The following HS6ST1 variants were observed in gnomAD, a reference collection of about 807,000 sequenced individuals.
HS6ST1 encodes heparan sulfate 6-O-sulfotransferase 1, also known as heparan-sulfate 6-O-sulfotransferase 1.
A neutral mutation model predicts 25.2 loss-of-function variants in HS6ST1; 3 were observed. The observed-to-expected ratio is 0.12, with a 90% confidence interval of 0.05 to 0.31. The LOEUF (loss-of-function observed/expected upper bound fraction) is 0.31, where lower values mean the gene tolerates loss of function less well. Among genes scored for constraint, HS6ST1 ranks in the 10% least tolerant of loss-of-function variants. The pLI, the probability that HS6ST1 is intolerant of heterozygous loss-of-function variation, is 1.00. For synonymous variants in HS6ST1, 204 were observed against 275.1 expected (o/e 0.74, Z 2.56); for missense variants, 310 against 609.6 (o/e 0.51, Z 5.18).
Position 128,275,618 on chromosome 2 carries a change from C to G in HS6ST1, c.528-6748G>C, listed in dbSNP as rs557939041. Among the ~76,000 whole-genome samples, 15 of 152,264 alleles carry G rather than the reference C, an allele frequency of 9.9e-5. 2 individuals are homozygous for G. Among genetic ancestry groups the G allele is most frequent in the African/African-American group, 3.4e-4 (14 of 41,548 alleles). ...GACCAACAAAGTGTATGGAAAGAGG[C>G]TCCACTGCATCAGTTACCAAGGCAG... On this transcript the variant is annotated intron_variant, in intron 1 of 1. Coordinates refer to ENST00000259241, the MANE Select transcript of HS6ST1 (RefSeq NM_004807.3).
Position 128,268,124 on chromosome 2 carries a change from A to G in HS6ST1, c.*38T>C. On this transcript the variant is annotated 3_prime_UTR_variant, in exon 2 of 2. Coordinates refer to ENST00000259241, the MANE Select transcript of HS6ST1 (RefSeq NM_004807.3). ...TGTCGTCTGTCCTGTTTTATCCCCC[A>G]CACCCCCCAAGAGGCCTCCCCGTGG... 6.8e-7 allele frequency: 1 copy of G among 1,470,358 alleles called. No homozygotes were observed. The highest frequency in any genetic ancestry group is 9.3e-7 in the Non-Finnish European group (1 of 1,074,226). The allele number at this position is 1,470,358 out of a possible 1,614,324, so 91.1% of individuals were successfully genotyped here.
intron 1 of HS6ST1, among the ~76,000 whole-genome samples, chr2:128,302,800 G>A (rs1380978320): frequency 2.0e-5 from 3 of 152,112 alleles, no homozygotes; most frequent in African/African-American, 4.8e-5. Flanking sequence ...GGCCTCTTCC[G>A]CAACGGCCCC....
At chr2:128,303,457 C>T (rs957985054) in intron 1 of HS6ST1, among the ~76,000 whole-genome samples, 2 of 152,230 alleles carry the variant, frequency 1.3e-5, no homozygotes, top group Admixed American at 6.5e-5. Context: ...AGAACAAAAC[C>T]GAAGAGAAGT....
Position 128,268,276 on chromosome 2 carries a change from G to A in HS6ST1, c.1122C>T (p.Ser374=), listed in dbSNP as rs1241126541. Residue 374 remains serine (S), a synonymous_variant, in exon 2 of 2, where the codon AGC becomes AGT. Transcript: ENST00000259241. The part of the protein sequence containing the change: ...QLERREQRLR[S]REERLLHRAK... ...CCCGGTGCAGCAGACGCTCCTCGCG[G>A]CTCCTCAGGCGCTGCTCCCTGCGCT... 6.2e-7 allele frequency: 1 copy of A among 1,612,502 alleles called. No individual in the cohort carries two copies. The highest frequency in any genetic ancestry group is 2.2e-5 in the East Asian group (1 of 44,876).
Position 128,268,858 on chromosome 2 carries a change from G to A in HS6ST1, c.540C>T (p.Tyr180=). 1 of 1,608,850 alleles carries A rather than the reference G, an allele frequency of 6.2e-7. No individual in the cohort carries two copies. Among genetic ancestry groups the A allele is most frequent in the Non-Finnish European group, 8.5e-7 (1 of 1,179,778 alleles). The part of the protein sequence containing the change: ...AALRTPRKFY[Y]ITLLRDPVSR... ...ACACGGGGTCTCGTAGCAGGGTGAT[G>A]TAGTAGAACTTCCTGCAAGGAGACG... The change falls in exon 2 of 2, where the codon TAC becomes TAT. Residue 180 remains tyrosine, a synonymous_variant. Transcript: ENST00000259241.
At chr2:128,286,314 C>A (rs952669435) in intron 1 of HS6ST1, among the ~76,000 whole-genome samples, 2 of 152,242 alleles carry the variant, frequency 1.3e-5, no homozygotes, top group Admixed American at 1.3e-4. Context: ...GTCCTGCTCT[C>A]ACAGCATCCT....
chr2:128,283,195 T>TC (rs2104919051), intron 1 of HS6ST1, among the ~76,000 whole-genome samples: 1 of 152,184 alleles, frequency 6.6e-6, no homozygotes, highest in East Asian at 1.9e-4. Flanking sequence ...TGGGGCAGTG[T>TC]CCCCCGAGCC....
At chr2:128,279,575 C>T (rs1693748090) in intron 1 of HS6ST1, among the ~76,000 whole-genome samples, 1 of 152,042 alleles carries the variant, frequency 6.6e-6, no homozygotes, top group Non-Finnish European at 1.5e-5. Flanking sequence ...GGGGTCCCAC[C>T]ATGAGGACAG....
chr2:128,282,414 A>G (rs1444132196), intron 1 of HS6ST1, among the ~76,000 whole-genome samples: 1 of 152,204 alleles, frequency 6.6e-6, no homozygotes, highest in African/African-American at 2.4e-5. Flanking sequence ...CCTCCTGGAC[A>G]GGGTCTGTCT....
At chr2:128,285,804 AT>A (rs1693852302) in intron 1 of HS6ST1, among the ~76,000 whole-genome samples, 1 of 152,130 alleles carries the variant, frequency 6.6e-6, no homozygotes, top group Admixed American at 6.5e-5. Context: ...TTCTCCACTG[AT>A]GGGTGGTACT....
At chr2:128,284,871 C>G (rs1693837948) in intron 1 of HS6ST1, among the ~76,000 whole-genome samples, 1 of 152,152 alleles carries the variant, frequency 6.6e-6, no homozygotes, top group African/African-American at 2.4e-5. Flanking sequence ...GAGAGGGACC[C>G]CACGGCTGCA....
intron 1 of HS6ST1, among the ~76,000 whole-genome samples, chr2:128,297,868 T>A (rs1265807178): frequency 6.6e-6 from 1 of 152,192 alleles, no homozygotes; most frequent in East Asian, 1.9e-4. Flanking sequence ...TGAAAATATT[T>A]GTGCATCAAA....
chr2:128,288,715 T>C (rs1254580487), intron 1 of HS6ST1, among the ~76,000 whole-genome samples: 1 of 121,710 alleles, frequency 8.2e-6, no homozygotes, highest in African/African-American at 3.4e-5. Context: ...CTAATCTGAC[T>C]TTCTCACAGG....
rs943827260 is a variant in HS6ST1, at chr2:128,267,288, A to G, written c.*874T>C. On this transcript the variant is annotated 3_prime_UTR_variant, in exon 2 of 2. Transcript: ENST00000259241. ...AGAGGCAGGGGAGCCCTCGGTCCCCAGCCCTTCCAGTCTGAGCCAGGCCTG... is the reference window on the plus strand; with the variant it reads ...AGAGGCAGGGGAGCCCTCGGTCCCCGGCCCTTCCAGTCTGAGCCAGGCCTG... 1 of 152,144 alleles carries G rather than the reference A, an allele frequency of 6.6e-6. No individual in the cohort carries two copies. The highest frequency in any genetic ancestry group is 1.5e-5 in the Non-Finnish European group (1 of 68,012). 9.4% of individuals were successfully genotyped at this position (152,144 alleles called of 1,614,324 possible).
intron 1 of HS6ST1, among the ~76,000 whole-genome samples, chr2:128,312,271 T>C (rs890407014): frequency 1.3e-5 from 2 of 152,206 alleles, no homozygotes; most frequent in African/African-American, 2.4e-5. Flanking sequence ...ACATGCTAGC[T>C]CCTGGCCCTC....
At chr2:128,279,658 A>G (rs13403599) in intron 1 of HS6ST1, among the ~76,000 whole-genome samples, 44,370 of 152,010 alleles carry the variant, frequency 0.29, 8,683 homozygotes, top group African/African-American at 0.56. Flanking sequence ...ACGGTGATGC[A>G]CACCTCCAGG....
At chr2:128,286,348 A>G (rs1244181821) in intron 1 of HS6ST1, among the ~76,000 whole-genome samples, 11 of 152,204 alleles carry the variant, frequency 7.2e-5, no homozygotes, top group Admixed American at 6.5e-4. Flanking sequence ...CATAGACACT[A>G]AAGACCCAGG....
intron 1 of HS6ST1, among the ~76,000 whole-genome samples, chr2:128,314,790 C>T (rs1010930392): frequency 6.6e-6 from 1 of 152,236 alleles, no homozygotes; most frequent in Non-Finnish European, 1.5e-5. Flanking sequence ...GGTTCCCGGC[C>T]AAGGTGGCCC....
chr2:128,314,523 G>C (rs1694333572), intron 1 of HS6ST1, among the ~76,000 whole-genome samples: 1 of 152,188 alleles, frequency 6.6e-6, no homozygotes. Context: ...CTGAAGGGAG[G>C]GGAGGAGCAG....
Sources: allele counts gnomAD v4.1 joint callset (sites outside exome capture counted in the v4.1 genomes callset), GRCh38; gene constraint gnomAD v4.1.1; transcripts MANE v1.5; gene names NCBI Gene and HGNC (gene_info 2026-07-23, HGNC 2026-07-21).